GPS2: variants seen among roughly 807,000 people sequenced by gnomAD.
GPS2 encodes G protein pathway suppressor 2, also known as GPS-2.
A neutral mutation model predicts 48.1 loss-of-function variants in GPS2; 22 were observed. The observed-to-expected ratio is 0.46, with a 90% CI of 0.33 to 0.65. The LOEUF is 0.65. Ranked by LOEUF, GPS2 falls within the 30% of genes least tolerant of loss-of-function variation. The probability of loss-of-function intolerance (pLI) is 0.03; values close to 1 mark genes in which losing one functional copy is unlikely to be tolerated. For missense variants in GPS2, 366 were observed against 406.8 expected (o/e 0.90, Z 0.86); for synonymous variants, 202 against 142.5 (o/e 1.42, Z -2.98).
intron 3 of GPS2, 22 bp from the exon 4 acceptor site, chr17:7,314,425 A>T (rs763248247): frequency 5.2e-5 from 84 of 1,614,056 alleles, no homozygotes; most frequent in Non-Finnish European, 6.1e-5. Context: ...TGGGAAAAGA[A>T]GATGAAGGCA....
At position 7,315,045 on chromosome 17, in the gene GPS2, G is replaced by A. The variant is rs2072919460; in HGVS notation, c.8C>T (p.Ala3Val). The change falls in exon 2 of 11, where the codon GCA (alanine) becomes GTA (valine). Residue 3 changes from alanine to valine, a missense_variant. Physicochemically the swap from Ala to Val is moderately conservative, Grantham distance 64. Transcript: ENST00000380728. ...GGAAAGCTTGGGGCGCTCCAGGAGT[G>A]CGGGCATGGTGCTGCCGTGGGCGCT... MPALLERPKLSNA... is the reference protein window; with the variant it reads MPVLLERPKLSNA... 6.3e-7 allele frequency: 1 copy of A among 1,598,252 alleles called. No individual in the cohort carries two copies. The highest frequency in any genetic ancestry group is 1.7e-5 in the Admixed American group (1 of 58,368).
chr17:7,312,870 C>T (rs2072879045), intron 10 of GPS2, 31 bp from the exon 11 acceptor site: 2 of 1,590,562 alleles, frequency 1.3e-6, no homozygotes, highest in African/African-American at 2.7e-5. Flanking sequence ...AGGGCTTTGT[C>T]ACTGGGCATA....
At chr17:7,314,932 C>T (rs371133988) in intron 2 of GPS2, 27 bp downstream of exon 2, 10 of 1,556,502 alleles carry the variant, frequency 6.4e-6, no homozygotes, top group Non-Finnish European at 8.7e-6. Context: ...CTGGGCCGTG[C>T]GTCCCCCTGC....
intron 1 of GPS2, 75 bp from the exon 2 acceptor site, chr17:7,315,194 C>A (rs1450366865): frequency 9.0e-6 from 4 of 445,588 alleles, no homozygotes; most frequent in Non-Finnish European, 1.5e-5. Context: ...CCGCTCGCCG[C>A]CCCGGTCACG....
At chr17:7,315,296 C>T in intron 1 of GPS2, 35 bp downstream of exon 1, 1 of 362,072 alleles carries the variant, frequency 2.8e-6, no homozygotes, top group Non-Finnish European at 4.9e-6. Flanking sequence ...GCTGCCGCTC[C>T]CTGCCCAGCC....
chr17:7,314,262 C>G (rs986840491), intron 4 of GPS2, 29 bp downstream of exon 4: 1 of 1,604,914 alleles, frequency 6.2e-7, no homozygotes, highest in East Asian at 2.2e-5. Context: ...ACTTGGCCCC[C>G]ATTTCAGTTT....
At position 7,314,961 on chromosome 17, in the gene GPS2, T is replaced by C; in HGVS notation, c.92A>G (p.Gln31Arg). 6.3e-7 allele frequency: 1 copy of C among 1,580,808 alleles called. No individual in the cohort carries two copies. Among genetic ancestry groups the C allele is most frequent in the Non-Finnish European group, 8.6e-7 (1 of 1,164,132 alleles). Residue 31 changes from glutamine (Q) to arginine (R), a missense_variant and splice_region_variant, in exon 2 of 11, where the codon CAG becomes CGG. Physicochemically the swap from Gln to Arg is conservative, Grantham distance 43. Around this residue, in one of 3 missense-constraint regions of GPS2, gnomAD observed 88 missense variants for 107.4 expected, o/e 0.82. Transcript: ENST00000380728. ...HIMMERERKR[Q>R]EEEEVDKMME... Reference sequence around the variant, plus strand: ...CCCCTGCTATGGCCCCGGCTCACCCTGCCGCTTGCGCTCCCGCTCCATCAT... The same window carrying C: ...CCCCTGCTATGGCCCCGGCTCACCCCGCCGCTTGCGCTCCCGCTCCATCAT...
At chr17:7,314,924 G>T (rs1370772687) in intron 2 of GPS2, 35 bp downstream of exon 2, 1 of 1,552,902 alleles carries the variant, frequency 6.4e-7, no homozygotes, top group Admixed American at 1.9e-5. Flanking sequence ...GAGCCATTCT[G>T]GGCCGTGCGT....
chr17:7,314,716 G>T, intron 2 of GPS2, 119 bp from the exon 3 acceptor site: 1 of 1,559,924 alleles, frequency 6.4e-7, no homozygotes, highest in Non-Finnish European at 8.7e-7. Context: ...TGCCTCGAGG[G>T]GACAAGCTCC....
Position 7,312,854 on chromosome 17 carries a change from GAA to G in GPS2, c.901-17_901-16del, listed in dbSNP as rs1007618216. ...GCAAAGCCCGACTGGTGGTGGTGAT[GAA>G]AAGAGGGCTTTGTCACTGGGCATAC... On this transcript the variant is annotated splice_polypyrimidine_tract_variant and intron_variant, in intron 10 of 10. Transcript: ENST00000380728. 8.1e-6 allele frequency: 13 copies of G among 1,609,866 alleles called. No homozygotes were observed. Among genetic ancestry groups the G allele is most frequent in the Non-Finnish European group, 1.1e-5 (13 of 1,176,334 alleles).
At chr17:7,313,532 T>G in intron 7 of GPS2, 36 bp downstream of exon 7, 2 of 1,613,426 alleles carry the variant, frequency 1.2e-6, no homozygotes, top group Non-Finnish European at 1.7e-6. Flanking sequence ...CCTTTGACCT[T>G]GAGGAAGGCC....
At position 7,314,296 on chromosome 17, in the gene GPS2, T is replaced by C; in HGVS notation, c.312A>G (p.Glu104=). ...TTTTAGCACTCTGATCCCACCTCTG[T>C]TCCTTTCGCCTCCGTTTTTCTTCCT... ...LHEEEKRRRK[E]QSDLTTLTSA... Residue 104 remains glutamate (E), a synonymous_variant, in exon 4 of 11, where the codon GAA becomes GAG. Transcript: ENST00000380728. 1 of 1,614,138 alleles carries C rather than the reference T, an allele frequency of 6.2e-7. No homozygotes were observed. Among genetic ancestry groups the C allele is most frequent in the South Asian group, 1.1e-5 (1 of 91,090 alleles).
chr17:7,313,184 C>A (rs1294307843), intron 9 of GPS2, 28 bp downstream of exon 9: 1 of 1,611,842 alleles, frequency 6.2e-7, no homozygotes, highest in East Asian at 2.2e-5. Context: ...ATATCCCTAA[C>A]CCTGACCTCC....
Position 7,312,705 on chromosome 17 carries a change from C to A in GPS2, c.*51G>T. 1 of 1,415,808 alleles carries A rather than the reference C, an allele frequency of 7.1e-7. No homozygotes were observed. The highest frequency in any genetic ancestry group is 1.1e-5 in the South Asian group (1 of 86,994). The allele number at this position is 1,415,808 out of a possible 1,614,324, so 87.7% of individuals were successfully genotyped here. A position where few individuals can be genotyped will look rare whatever the true frequency, so the allele number is the denominator to read the frequency against. ...TTGGCCTGGGACACACAGGGGATAC[C>A]CTCACCCACGATGGGGTGGGGGGTG... On this transcript the variant is annotated 3_prime_UTR_variant, in exon 11 of 11. Coordinates refer to ENST00000380728, the MANE Select transcript of GPS2 (RefSeq NM_004489.5).
At chr17:7,312,893 C>T in intron 10 of GPS2, 54 bp from the exon 11 acceptor site, 1 of 1,541,852 alleles carries the variant, frequency 6.5e-7, no homozygotes, top group Middle Eastern at 1.7e-4. Flanking sequence ...CTCCCTTCCA[C>T]TTAATACCCT....
intron 7 of GPS2, 23 bp from the exon 8 acceptor site, chr17:7,313,492 C>A: frequency 1.2e-6 from 2 of 1,613,890 alleles, no homozygotes; most frequent in Non-Finnish European, 1.7e-6. Flanking sequence ...AAGACAGAGC[C>A]ATTAAAATCT....
Position 7,315,008 on chromosome 17 carries a change from G to C in GPS2, c.45C>G (p.Ala15=), listed in dbSNP as rs374276970. ...TCATAATGTGCCGGTGCAGCGCCCT[G>C]GCCATGGCGTTGGAAAGCTTGGGGC... ...LERPKLSNAM[A]RALHRHIMME... is the part of the protein sequence containing the mutation. Residue 15 remains alanine (A), a synonymous_variant, in exon 2 of 11, where the codon GCC becomes GCG. Coordinates refer to ENST00000380728, the MANE Select transcript of GPS2 (RefSeq NM_004489.5). 4.1e-5 allele frequency: 66 copies of C among 1,604,612 alleles called. No homozygotes were observed. The highest frequency in any genetic ancestry group is 5.4e-5 in the Non-Finnish European group (63 of 1,176,406).
Position 7,313,552 on chromosome 17 carries a change from C to G in GPS2, c.634+16G>C, listed in dbSNP as rs1472008794. ...GACCTTGAGGAAGGCCAAGCCCCAT[C>G]CCTCCTATTACTCACCTCTGAGCTG... is the stretch of plus-strand genomic sequence containing the variant. On this transcript the variant is annotated intron_variant, in intron 7 of 10. Transcript: ENST00000380728. 1 of 1,613,366 alleles carries G rather than the reference C, an allele frequency of 6.2e-7. No homozygotes were observed.
At position 7,313,977 on chromosome 17, in the gene GPS2, C is replaced by T. The variant is rs1210001475; in HGVS notation, c.409G>A (p.Gly137Arg). ...ATGAGGGTGCCTGGGCGATTGTGTCCTCCAGGGCTCCCTAGAAAGGGAGAA... is the reference window on the plus strand; with the variant it reads ...ATGAGGGTGCCTGGGCGATTGTGTCTTCCAGGGCTCCCTAGAAAGGGAGAA... ...HLLSMQGSPG[G>R]HNRPGTLMAA... The change falls in exon 6 of 11, where the codon GGA becomes AGA. Residue 137 changes from glycine (G) to arginine (R), a missense_variant. Physicochemically the swap from Gly to Arg is moderately radical, Grantham distance 125. Transcript: ENST00000380728. 1.2e-6 allele frequency: 2 copies of T among 1,613,740 alleles called. No individual in the cohort carries two copies. The highest frequency in any genetic ancestry group is 3.3e-5 in the Admixed American group (2 of 59,996).
Sources: allele counts gnomAD v4.1 joint callset, GRCh38; gene constraint gnomAD v4.1.1; regional missense constraint gnomAD v4.1.1; transcripts MANE v1.5; gene names NCBI Gene and HGNC (gene_info 2026-07-23, HGNC 2026-07-21).